The following HIGD1B variants were observed in gnomAD, a reference collection of about 807,000 sequenced individuals.
The protein encoded by HIGD1B is HIG1 hypoxia inducible domain family member 1B.
A neutral mutation model predicts 8.8 loss-of-function variants in HIGD1B; 9 were observed. That is an observed-to-expected ratio of 1.02 (90% CI 0.62 to 1.78). The LOEUF is 1.78. Among genes scored for constraint, HIGD1B ranks in the 40% most tolerant of loss-of-function variants. HIGD1B has a pLI of 0.00. For missense variants in HIGD1B, 126 were observed against 111.8 expected (o/e 1.13, Z -0.57); for synonymous variants, 47 against 38.8 (o/e 1.21, Z -0.78).
upstream of HIGD1B, among the ~76,000 whole-genome samples, chr17:44,845,177 G>A (rs1036974225): frequency 6.6e-6 from 1 of 150,528 alleles, no homozygotes; most frequent in African/African-American, 2.4e-5. Flanking sequence ...ACAATCACTT[G>A]AACCCGGGAG....
At position 44,848,774 on chromosome 17, in the gene HIGD1B, A is replaced by T. The variant is rs559462612; in HGVS notation, c.101-480A>T. The stretch of plus-strand genomic sequence containing the variant: ...AAATGCCATTGAAGGGCAACAACTC[A>T]ATATATATATATATATTTTTGAGAT... On this transcript the variant is annotated intron_variant, in intron 1 of 2. Coordinates refer to ENST00000253410, the MANE Select transcript of HIGD1B (RefSeq NM_016438.4). 2.3e-3 allele frequency among the ~76,000 whole-genome samples: 350 copies of T among 150,358 alleles called. 1 individual carries two copies. Among genetic ancestry groups the T allele is most frequent in the African/African-American group, 8.1e-3 (333 of 40,994 alleles).
intron 2 of HIGD1B, among the ~76,000 whole-genome samples, chr17:44,849,626 G>A (rs982862178): frequency 1.1e-4 from 17 of 152,054 alleles, no homozygotes; most frequent in Admixed American, 2.6e-4. Context: ...TGGGCGTGGC[G>A]GCAGGTGCCT....
chr17:44,845,149 T>A (rs921405653), upstream of HIGD1B, among the ~76,000 whole-genome samples: 9 of 150,902 alleles, frequency 6.0e-5, 1 homozygote, highest in Non-Finnish European at 1.0e-4. Flanking sequence ...TCCCAGCTAC[T>A]CGGGAGGCTG....
rs1311634521 is a variant in HIGD1B, at chr17:44,848,218, G to A, written c.66G>A (p.Leu22=). ...DDEDCVSEKL[L]RKTRESPLVP... ...AAGACTGTGTGTCTGAGAAGCTCCT[G>A]AGGAAGACTCGGGAATCTCCACTGG... Residue 22 remains leucine, a synonymous_variant, in exon 1 of 3, where the codon CTG becomes CTA. Transcript: ENST00000253410. 1 of 872,942 alleles carries A rather than the reference G, an allele frequency of 1.1e-6. No individual in the cohort carries two copies. Among genetic ancestry groups the A allele is most frequent in the Non-Finnish European group, 2.0e-6 (1 of 501,674 alleles). 54.1% of individuals were successfully genotyped at this position (872,942 alleles called of 1,614,324 possible).
intron 1 of HIGD1B, 122 bp from the exon 2 acceptor site, chr17:44,849,129 GCCA>G (rs1567724129): frequency 2.2e-6 from 1 of 462,862 alleles, no homozygotes; most frequent in South Asian, 2.2e-5. Context: ...CCCACCCCCC[GCCA>G]CCAGATGCTG....
intron 2 of HIGD1B, 76 bp downstream of exon 2, chr17:44,849,464 T>G (rs758570232): frequency 3.0e-5 from 47 of 1,564,056 alleles, no homozygotes; most frequent in Non-Finnish European, 3.8e-5. Context: ...TCCCAACAAT[T>G]AAAAGGACTG....
intron 1 of HIGD1B, among the ~76,000 whole-genome samples, chr17:44,848,703 T>C (rs1415390413): frequency 6.7e-6 from 1 of 149,250 alleles, no homozygotes; most frequent in Non-Finnish European, 1.5e-5. Flanking sequence ...GATCAGCTAT[T>C]TGTATATGGG....
intron 1 of HIGD1B, among the ~76,000 whole-genome samples, 183 bp downstream of exon 1, chr17:44,848,435 G>C (rs987613711): frequency 1.6e-4 from 24 of 152,254 alleles, no homozygotes; most frequent in Non-Finnish European, 1.8e-4. Context: ...GTCTGGATGG[G>C]TGGAGGTGGC....
upstream of HIGD1B, among the ~76,000 whole-genome samples, chr17:44,845,539 AG>A (rs2050315361): frequency 6.6e-6 from 1 of 152,064 alleles, no homozygotes; most frequent in African/African-American, 2.4e-5. Flanking sequence ...CTGAGATGGG[AG>A]GGTTGCTTGA....
upstream of HIGD1B, among the ~76,000 whole-genome samples, chr17:44,845,932 GAAAA>G (rs879399039): frequency 7.0e-6 from 1 of 141,846 alleles, no homozygotes; most frequent in Admixed American, 7.1e-5. Flanking sequence ...CTCCATCTCG[GAAAA>G]AAAAAAAAAT....
intron 1 of HIGD1B, 147 bp from the exon 2 acceptor site, chr17:44,849,106 GT>G: frequency 1.2e-6 from 1 of 826,234 alleles, no homozygotes; most frequent in Non-Finnish European, 1.9e-6. Flanking sequence ...ATCCCCCTAG[GT>G]CCCCCGCAAC....
At chr17:44,849,113 G>A (rs766766987) in intron 1 of HIGD1B, 141 bp from the exon 2 acceptor site, 102 of 808,446 alleles carry the variant, frequency 1.3e-4, no homozygotes, top group African/African-American at 8.3e-4. Context: ...TAGGTCCCCC[G>A]CAACGCCCAC....
chr17:44,846,796 A>G (rs929399022), upstream of HIGD1B, among the ~76,000 whole-genome samples: 29 of 150,954 alleles, frequency 1.9e-4, no homozygotes, highest in African/African-American at 6.5e-4. Flanking sequence ...AAAAAAAAAA[A>G]AAGAAGAAAA....
chr17:44,846,210 G>A (rs1195307504), upstream of HIGD1B: 1 of 152,250 alleles, frequency 6.6e-6, no homozygotes, highest in Non-Finnish European at 1.5e-5. Flanking sequence ...AGTGCCTGGA[G>A]CTTTGGCTTG....
chr17:44,848,221 G>C lies in HIGD1B; in HGVS notation c.69G>C (p.Arg23Ser). 1 of 872,946 alleles carries C rather than the reference G, an allele frequency of 1.1e-6. No homozygotes were observed. Among genetic ancestry groups the C allele is most frequent in the Non-Finnish European group, 2.0e-6 (1 of 501,672 alleles). The allele number at this position is 872,946 out of a possible 1,614,324, so 54.1% of individuals were successfully genotyped here. The change falls in exon 1 of 3, where the codon AGG (arginine) becomes AGC (serine). Residue 23 changes from arginine to serine, a missense_variant. Arg to Ser is a moderately radical substitution (Grantham distance 110). Coordinates refer to ENST00000253410, the MANE Select transcript of HIGD1B (RefSeq NM_016438.4). ...DEDCVSEKLL[R>S]KTRESPLVPI... ...ACTGTGTGTCTGAGAAGCTCCTGAGGAAGACTCGGGAATCTCCACTGGTGC... is the reference window on the plus strand; with the variant it reads ...ACTGTGTGTCTGAGAAGCTCCTGAGCAAGACTCGGGAATCTCCACTGGTGC...
upstream of HIGD1B, among the ~76,000 whole-genome samples, chr17:44,846,770 G>A (rs1017498875): frequency 4.5e-4 from 67 of 149,202 alleles, 1 homozygote; most frequent in Admixed American, 4.7e-4. Context: ...GAGTGACAAA[G>A]TGAGACCCTG....
chr17:44,850,068 CT>C, intron 2 of HIGD1B: 2 of 385,140 alleles, frequency 5.2e-6, no homozygotes, highest in Admixed American at 3.7e-5. Context: ...ATAACCACCC[CT>C]GGCCTGCCTA....
At chr17:44,849,202 G>A in intron 1 of HIGD1B, 52 bp from the exon 2 acceptor site, 1 of 1,605,228 alleles carries the variant, frequency 6.2e-7, no homozygotes, top group Non-Finnish European at 8.5e-7. Flanking sequence ...TCTCATCAGG[G>A]GAGTGCTGTG....
intron 2 of HIGD1B, among the ~76,000 whole-genome samples, 174 bp downstream of exon 2, chr17:44,849,562 C>T: frequency 6.6e-6 from 1 of 152,012 alleles, no homozygotes; most frequent in East Asian, 1.9e-4. Flanking sequence ...GAGAGAGAGA[C>T]CATCCTGGCC....
Sources: allele counts gnomAD v4.1 joint callset (sites outside exome capture counted in the v4.1 genomes callset), GRCh38; gene constraint gnomAD v4.1.1; transcripts MANE v1.5; gene names NCBI Gene and HGNC (gene_info 2026-07-23, HGNC 2026-07-21).